The following TRAM2 variants were observed in gnomAD, a reference collection of about 807,000 sequenced individuals.
TRAM2 encodes translocating chain-associated membrane protein 2.
A neutral mutation model predicts 51.0 loss-of-function variants in TRAM2; 12 were observed. The ratio of observed to expected loss-of-function variants is 0.24; its 90% CI spans 0.15 to 0.38. The LOEUF is 0.38. TRAM2 is among the 10% of genes least tolerant of loss of function. The probability of loss-of-function intolerance (pLI) is 1.00; values close to 1 mark genes in which losing one functional copy is unlikely to be tolerated. For synonymous variants in TRAM2, 175 were observed against 179.4 expected (o/e 0.98, Z 0.20); for missense variants, 361 against 462.0 (o/e 0.78, Z 2.00).
At position 52,516,026 on chromosome 6, in the gene TRAM2, A is replaced by G; in HGVS notation, c.391T>C (p.Cys131Arg). ...VVFHFTSVIW[C>R]FYVVVTEGYL... ...CTCACCGTCACCACCACGTAGAAGC[A>G]CCAAATCACCGAGGTGAAATGAAAG... is the stretch of plus-strand genomic sequence containing the variant. Residue 131 changes from cysteine (C) to arginine (R), a missense_variant, in exon 4 of 11, where the codon TGC (cysteine) becomes CGC (arginine). Coordinates refer to ENST00000182527, the MANE Select transcript of TRAM2 (RefSeq NM_012288.4). 1.9e-6 allele frequency: 3 copies of G among 1,614,196 alleles called. No individual in the cohort carries two copies. Among genetic ancestry groups the G allele is most frequent in the Non-Finnish European group, 2.5e-6 (3 of 1,180,012 alleles).
intron 3 of TRAM2, chr6:52,516,421 A>G: frequency 1.7e-6 from 1 of 603,564 alleles, no homozygotes. Flanking sequence ...CTCTCTGTGT[A>G]ATAAATACTG....
At chr6:52,544,066 G>A (rs189029917) in intron 1 of TRAM2, among the ~76,000 whole-genome samples, 11 of 152,294 alleles carry the variant, frequency 7.2e-5, no homozygotes, top group Admixed American at 2.0e-4. Flanking sequence ...AGCTAGGCAC[G>A]TGGATTAGAG....
chr6:52,556,574 GC>G (rs1474316993), intron 1 of TRAM2, among the ~76,000 whole-genome samples: 4 of 150,542 alleles, frequency 2.7e-5, no homozygotes, highest in Non-Finnish European at 4.4e-5. Context: ...AAGTCACTGT[GC>G]CTGGCCCAAT....
At chr6:52,573,653 A>T (rs1767717166) in intron 1 of TRAM2, among the ~76,000 whole-genome samples, 1 of 152,184 alleles carries the variant, frequency 6.6e-6, no homozygotes. Context: ...ACAGCCTTTC[A>T]TATGTGTTCC....
At chr6:52,512,492 G>A (rs1766468662) in intron 4 of TRAM2, among the ~76,000 whole-genome samples, 1 of 152,188 alleles carries the variant, frequency 6.6e-6, no homozygotes, top group Admixed American at 6.5e-5. Context: ...GGAGGACTGA[G>A]GCTGGGGCAC....
intron 1 of TRAM2, among the ~76,000 whole-genome samples, chr6:52,567,771 C>T (rs1239487507): frequency 6.6e-6 from 1 of 152,222 alleles, no homozygotes; most frequent in Non-Finnish European, 1.5e-5. Context: ...TTTTCTCCTT[C>T]TCCACCATGG....
intron 5 of TRAM2, 121 bp downstream of exon 5, chr6:52,509,407 T>TCCA (rs1766410108): frequency 1.1e-6 from 1 of 873,722 alleles, no homozygotes; most frequent in Non-Finnish European, 1.8e-6. Flanking sequence ...CACAATAGGC[T>TCCA]CAGGGCATGA....
chr6:52,510,142 A>G (rs903088182), intron 4 of TRAM2, among the ~76,000 whole-genome samples: 1 of 152,230 alleles, frequency 6.6e-6, no homozygotes, highest in Non-Finnish European at 1.5e-5. Context: ...AGGCCTCACC[A>G]TGCAGCTGGA....
chr6:52,552,469 G>A (rs1004878786), intron 1 of TRAM2, among the ~76,000 whole-genome samples: 6 of 152,204 alleles, frequency 3.9e-5, no homozygotes, highest in African/African-American at 1.4e-4. Context: ...GTGCAGTGAG[G>A]AGGCAAGAGA....
chr6:52,542,194 A>C (rs1394822227), intron 1 of TRAM2, among the ~76,000 whole-genome samples: 1 of 151,944 alleles, frequency 6.6e-6, no homozygotes, highest in Admixed American at 6.5e-5. Flanking sequence ...GGAAGTGAAT[A>C]GGAAAATTTC....
chr6:52,541,996 C>T (rs772201994), intron 1 of TRAM2, among the ~76,000 whole-genome samples: 16 of 152,150 alleles, frequency 1.1e-4, no homozygotes, highest in African/African-American at 1.9e-4. Flanking sequence ...ATATGTCCCA[C>T]GACTGACAGT....
intron 1 of TRAM2, among the ~76,000 whole-genome samples, chr6:52,570,806 C>T (rs954311561): frequency 1.5e-5 from 2 of 132,642 alleles, no homozygotes; most frequent in African/African-American, 5.7e-5. Flanking sequence ...CCCCCCCCCC[C>T]ACACGCACAC....
chr6:52,528,081 C>T (rs1349594086), intron 2 of TRAM2, among the ~76,000 whole-genome samples: 1 of 152,206 alleles, frequency 6.6e-6, no homozygotes, highest in Non-Finnish European at 1.5e-5. Context: ...CTCTACCTCC[C>T]TGGTTGGGAC....
chr6:52,564,834 C>A (rs1397850735), intron 1 of TRAM2, among the ~76,000 whole-genome samples: 1 of 152,164 alleles, frequency 6.6e-6, no homozygotes, highest in African/African-American at 2.4e-5. Context: ...TTAACCCTCT[C>A]AGGGCAGAGG....
chr6:52,566,342 T>A (rs932152968), intron 1 of TRAM2, among the ~76,000 whole-genome samples: 2 of 152,122 alleles, frequency 1.3e-5, no homozygotes, highest in Non-Finnish European at 2.9e-5. Context: ...GTTTCTGAAG[T>A]CTCTGAATCA....
chr6:52,524,978 C>T (rs1060911), intron 2 of TRAM2: 32,867 of 152,208 alleles, frequency 0.22, 3,712 homozygotes, highest in Non-Finnish European at 0.26. Flanking sequence ...AACAATCAGA[C>T]GCTAAAGGAA....
chr6:52,536,269 C>A (rs1766976217), intron 1 of TRAM2, among the ~76,000 whole-genome samples: 1 of 152,230 alleles, frequency 6.6e-6, no homozygotes, highest in Non-Finnish European at 1.5e-5. Flanking sequence ...AGCACTTTGG[C>A]TGCCTGTGCA....
intron 1 of TRAM2, among the ~76,000 whole-genome samples, chr6:52,567,918 TA>T (rs1365020193): frequency 6.6e-6 from 1 of 152,246 alleles, no homozygotes; most frequent in Non-Finnish European, 1.5e-5. Flanking sequence ...CTACTACTCC[TA>T]AATCTATAGG....
At chr6:52,530,464 A>G (rs1766867970) in intron 2 of TRAM2, among the ~76,000 whole-genome samples, 1 of 152,206 alleles carries the variant, frequency 6.6e-6, no homozygotes, top group African/African-American at 2.4e-5. Flanking sequence ...CCTAACTCCC[A>G]GCATCTCAGA....
Sources: allele counts gnomAD v4.1 joint callset (sites outside exome capture counted in the v4.1 genomes callset), GRCh38; gene constraint gnomAD v4.1.1; transcripts MANE v1.5; gene names NCBI Gene and HGNC (gene_info 2026-07-23, HGNC 2026-07-21).